Variants in AGBL4 observed in about 807,000 individuals in gnomAD.
AGBL4 encodes cytosolic carboxypeptidase 6.
In AGBL4, 58 loss-of-function variants were observed where a neutral mutation model predicts 66.4. The observed-to-expected ratio is 0.87, with a 90% CI of 0.71 to 1.09. The LOEUF (loss-of-function observed/expected upper bound fraction) is 1.09, where lower values mean the gene tolerates loss of function less well. Ranked by LOEUF, AGBL4 falls within the 50% of genes least tolerant of loss-of-function variation. The pLI is 0.00. For missense variants in AGBL4, 579 were observed against 631.0 expected (o/e 0.92, Z 0.88); for synonymous variants, 234 against 222.9 (o/e 1.05, Z -0.44).
At chr1:49,613,017 T>G (rs1255010999) in intron 3 of AGBL4, among the ~76,000 whole-genome samples, 2 of 151,932 alleles carry the variant, frequency 1.3e-5, no homozygotes, top group Non-Finnish European at 2.9e-5. Context: ...ATAAAGAAAA[T>G]GTACATATAC....
At chr1:48,591,098 C>CCCCCCCCA (rs1553192308) in intron 9 of AGBL4, 113 bp from the exon 10 acceptor site, 1 of 653,528 alleles carries the variant, frequency 1.5e-6, no homozygotes, top group Non-Finnish European at 2.4e-6. Context: ...CCACCCCCCC[C>CCCCCCCCA]CACACACACA....
At chr1:48,601,253 T>A (rs1246017819) in intron 9 of AGBL4, among the ~76,000 whole-genome samples, 1 of 152,228 alleles carries the variant, frequency 6.6e-6, no homozygotes, top group Non-Finnish European at 1.5e-5. Flanking sequence ...AGTTTCAGTT[T>A]AATCACTTGA....
intron 2 of AGBL4, among the ~76,000 whole-genome samples, chr1:49,706,942 C>G (rs754704007): frequency 1.3e-5 from 2 of 152,156 alleles, no homozygotes; most frequent in African/African-American, 2.4e-5. Flanking sequence ...TTTGCATTTG[C>G]TGAGGAGTGT....
chr1:48,818,125 A>T, intron 6 of AGBL4: 3 of 717,188 alleles, frequency 4.2e-6, no homozygotes, highest in Admixed American at 4.0e-5. Context: ...AGCCGGAAAC[A>T]TTCCCGAGAT....
intron 4 of AGBL4, among the ~76,000 whole-genome samples, chr1:49,127,606 G>A (rs1465524318): frequency 2.6e-5 from 4 of 152,036 alleles, no homozygotes; most frequent in Admixed American, 6.6e-5. Context: ...AAAACTCCAT[G>A]AGGGCAGGCA....
intron 6 of AGBL4, among the ~76,000 whole-genome samples, chr1:48,842,857 G>A (rs1379710373): frequency 6.6e-6 from 1 of 152,020 alleles, no homozygotes; most frequent in Admixed American, 6.6e-5. Flanking sequence ...AGAAAATCTC[G>A]TTGCATGCTA....
intron 1 of AGBL4, among the ~76,000 whole-genome samples, chr1:49,866,201 G>A (rs1219201492): frequency 6.6e-6 from 1 of 152,112 alleles, no homozygotes; most frequent in Admixed American, 6.6e-5. Flanking sequence ...TATCATCCAG[G>A]AGAACTTCCC....
chr1:49,805,342 G>A (rs1203458249), intron 2 of AGBL4, among the ~76,000 whole-genome samples: 2 of 152,132 alleles, frequency 1.3e-5, no homozygotes, highest in Non-Finnish European at 2.9e-5. Flanking sequence ...GAAAGGGTAT[G>A]GCTCATGAAA....
intron 9 of AGBL4, among the ~76,000 whole-genome samples, chr1:48,628,605 C>T (rs572291715): frequency 1.3e-5 from 2 of 152,278 alleles, no homozygotes; most frequent in African/African-American, 4.8e-5. Flanking sequence ...CTGCACCTCA[C>T]ATGCCCTCCT....
At chr1:49,641,807 G>A (rs979786664) in intron 3 of AGBL4, among the ~76,000 whole-genome samples, 11 of 151,860 alleles carry the variant, frequency 7.2e-5, no homozygotes, top group African/African-American at 2.7e-4. Context: ...TTGATTACAT[G>A]CTATGTGCTA....
intron 1 of AGBL4, among the ~76,000 whole-genome samples, chr1:50,010,091 A>G (rs2148434786): frequency 6.6e-6 from 1 of 152,194 alleles, no homozygotes; most frequent in South Asian, 2.1e-4. Flanking sequence ...GTGGATCACG[A>G]GGTCAGGAGA....
chr1:48,772,387 CAT>C (rs1208664657), intron 6 of AGBL4, among the ~76,000 whole-genome samples: 4 of 152,206 alleles, frequency 2.6e-5, no homozygotes, highest in Non-Finnish European at 4.4e-5. Flanking sequence ...ACTTCTGTCA[CAT>C]GTCTACCTTC....
At chr1:48,946,861 C>T (rs1267103905) in intron 5 of AGBL4, among the ~76,000 whole-genome samples, 3 of 152,166 alleles carry the variant, frequency 2.0e-5, no homozygotes, top group African/African-American at 7.2e-5. Flanking sequence ...AAAGTAAAGC[C>T]AGTCTTTGTG....
chr1:49,621,004 G>T (rs1645349939), intron 3 of AGBL4, among the ~76,000 whole-genome samples: 1 of 152,006 alleles, frequency 6.6e-6, no homozygotes, highest in Non-Finnish European at 1.5e-5. Flanking sequence ...TGCCTACAAA[G>T]CTAGTGCTCT....
chr1:48,734,799 C>T (rs1233543126), intron 6 of AGBL4, among the ~76,000 whole-genome samples: 1 of 152,238 alleles, frequency 6.6e-6, no homozygotes, highest in Non-Finnish European at 1.5e-5. Context: ...AGCAAGCTCA[C>T]AGTACCTGAA....
intron 6 of AGBL4, among the ~76,000 whole-genome samples, chr1:48,862,691 C>T (rs1027146786): frequency 6.6e-6 from 1 of 152,202 alleles, no homozygotes; most frequent in African/African-American, 2.4e-5. Flanking sequence ...GTGACTGAAC[C>T]TGCATTTTGG....
intron 3 of AGBL4, among the ~76,000 whole-genome samples, chr1:49,450,378 T>C (rs962655825): frequency 2.4e-4 from 37 of 152,160 alleles, no homozygotes; most frequent in African/African-American, 7.9e-4. Flanking sequence ...CTCTTAGGAA[T>C]ACCAATATTT....
chr1:49,553,603 T>C (rs758193973), intron 3 of AGBL4, among the ~76,000 whole-genome samples: 4 of 152,208 alleles, frequency 2.6e-5, no homozygotes, highest in Admixed American at 1.3e-4. Flanking sequence ...TACAACCTGC[T>C]AATGTATTAT....
chr1:49,038,079 A>C (rs1664806730), intron 5 of AGBL4, among the ~76,000 whole-genome samples: 1 of 152,092 alleles, frequency 6.6e-6, no homozygotes, highest in South Asian at 2.1e-4. Flanking sequence ...CTCTTTCCTG[A>C]TTTAATTACT....
Sources: allele counts gnomAD v4.1 joint callset (sites outside exome capture counted in the v4.1 genomes callset), GRCh38; gene constraint gnomAD v4.1.1; transcripts MANE v1.5; gene names NCBI Gene and HGNC (gene_info 2026-07-23, HGNC 2026-07-21).